Variants in TUSC3 observed in about 807,000 individuals in gnomAD.
TUSC3 encodes dolichyl-diphosphooligosaccharide--protein glycosyltransferase subunit TUSC3.
In TUSC3, 45 loss-of-function variants were observed where a neutral mutation model predicts 44.8. The observed-to-expected ratio is 1.00, with a 90% confidence interval of 0.79 to 1.29. The LOEUF (loss-of-function observed/expected upper bound fraction) is 1.29. Among genes scored for constraint, TUSC3 ranks in the 50% most tolerant of loss-of-function variants. The pLI, the probability that TUSC3 is intolerant of heterozygous loss-of-function variation, is 0.00. For synonymous variants in TUSC3, 212 were observed against 152.9 expected, an observed-to-expected ratio of 1.39 and a Z score of -2.85; for missense variants, 519 against 437.9, an observed-to-expected ratio of 1.19 and a Z score of -1.65.
chr8:15,506,569 A>G (rs762818724), intron 2 of TUSC3, among the ~76,000 whole-genome samples: 3 of 152,214 alleles, frequency 2.0e-5, no homozygotes, highest in Non-Finnish European at 2.9e-5. Context: ...GGGAGGCCTC[A>G]CAATCATGGC....
chr8:15,607,850 AT>A (rs1804600564), intron 1 of TUSC3, among the ~76,000 whole-genome samples: 2 of 152,164 alleles, frequency 1.3e-5, no homozygotes, highest in African/African-American at 4.8e-5. Flanking sequence ...GTACTTTTAC[AT>A]TTCCTCCCTA....
chr8:15,476,676 T>C (rs1018156756), intron 1 of TUSC3, among the ~76,000 whole-genome samples: 3 of 152,214 alleles, frequency 2.0e-5, no homozygotes, highest in African/African-American at 7.2e-5. Flanking sequence ...CAGAGATTTA[T>C]TGAAAACAAA....
intron 3 of TUSC3, among the ~76,000 whole-genome samples, chr8:15,655,977 T>C (rs1380885944): frequency 6.6e-6 from 1 of 152,124 alleles, no homozygotes; most frequent in Non-Finnish European, 1.5e-5. Context: ...TAGGAATCCC[T>C]TTGGAAGGGC....
chr8:15,759,555 G>C (rs1350756156), intron 10 of TUSC3, among the ~76,000 whole-genome samples: 1 of 151,972 alleles, frequency 6.6e-6, no homozygotes, highest in Admixed American at 6.6e-5. Context: ...AAGGGAAAAG[G>C]AACAAACAAG....
chr8:15,561,625 A>C lies in TUSC3; in HGVS notation c.138+21057A>C, dbSNP rs183347564. 4.4e-3 allele frequency: 686 copies of C among 154,430 alleles called. 9 individuals carry two copies. The highest frequency in any genetic ancestry group is 8.0e-3 in the Non-Finnish European group (560 of 70,148). 9.6% of individuals were successfully genotyped at this position (154,430 alleles called of 1,614,324 possible). On this transcript the variant is annotated intron_variant, in intron 1 of 10. Transcript: ENST00000503731. ...AGCCTCACTGCCGCCTTGCAGTTTG[A>C]TCTCAGACTGCAGTGCTAGCAATGA...
intron 10 of TUSC3, among the ~76,000 whole-genome samples, chr8:15,761,006 A>G (rs1204202616): frequency 6.6e-6 from 1 of 152,178 alleles, no homozygotes; most frequent in Non-Finnish European, 1.5e-5. Flanking sequence ...AGCTAAAAGA[A>G]ATGTAAGGGC....
the TUSC3 span, among the ~76,000 whole-genome samples, chr8:15,837,929 C>A: frequency 6.6e-6 from 1 of 152,168 alleles, no homozygotes; most frequent in Non-Finnish European, 1.5e-5. Context: ...CAAATCTTTA[C>A]CAGGAGTTTG....
the TUSC3 span, among the ~76,000 whole-genome samples, chr8:15,838,750 T>C: frequency 6.6e-6 from 1 of 151,896 alleles, no homozygotes; most frequent in African/African-American, 2.4e-5. Flanking sequence ...TGCTGTTTTG[T>C]TTACTGTAGC....
intron 2 of TUSC3, among the ~76,000 whole-genome samples, chr8:15,632,597 C>G (rs1279620981): frequency 1.3e-5 from 2 of 151,868 alleles, no homozygotes; most frequent in African/African-American, 2.4e-5. Context: ...AATTTTTTAC[C>G]CAGCACTTGT....
rs182788184 is a variant in TUSC3, at chr8:15,439,815, C to G, written n.91+22510C>G. ...TTATTCATTTCTGCCTTGCACTAGT[C>G]TGTCACCATACAAATCTGTCTACTC... On this transcript the variant is annotated intron_variant and non_coding_transcript_variant, in intron 1 of 5. Coordinates refer to the TUSC3 transcript ENST00000503191. Among the ~76,000 whole-genome samples the G allele has an allele frequency of 2.8e-3, 428 of 152,304 alleles. 2 individuals carry two copies. Among genetic ancestry groups the G allele is most frequent in the African/African-American group, 1.0e-2 (414 of 41,560 alleles).
intron 1 of TUSC3, among the ~76,000 whole-genome samples, chr8:15,468,580 T>A (rs551197321): frequency 6.6e-6 from 1 of 152,176 alleles, no homozygotes; most frequent in Non-Finnish European, 1.5e-5. Flanking sequence ...ACCCTTAAAT[T>A]TAGATCTGAT....
intron 1 of TUSC3, among the ~76,000 whole-genome samples, chr8:15,449,276 A>C (rs962879323): frequency 6.6e-6 from 1 of 152,222 alleles, no homozygotes; most frequent in African/African-American, 2.4e-5. Context: ...GAATGGGCAC[A>C]TGTGCAATTA....
rs924967315 is a variant in TUSC3 at position 15,643,990 on chromosome 8, A to T, written c.309-6707A>T. 5.3e-5 allele frequency among the ~76,000 whole-genome samples: 8 copies of T among 152,222 alleles called. 1 individual carries two copies. The highest frequency in any genetic ancestry group is 4.6e-4 in the Admixed American group (7 of 15,278). Reference sequence around the variant, plus strand: ...AGACATACAATGGTATTTTCATACGAATCTGCTATAAGAAGTTTGATTAAC... The same window carrying T: ...AGACATACAATGGTATTTTCATACGTATCTGCTATAAGAAGTTTGATTAAC... On this transcript the variant is annotated intron_variant, in intron 2 of 10. Transcript: ENST00000503731.
chr8:15,600,583 A>T (rs1035971216), intron 1 of TUSC3, among the ~76,000 whole-genome samples: 1 of 151,690 alleles, frequency 6.6e-6, no homozygotes. Context: ...TGGGTTACAG[A>T]TTAAAATAAA....
At chr8:15,829,409 A>T in the TUSC3 span, among the ~76,000 whole-genome samples, 3 of 152,160 alleles carry the variant, frequency 2.0e-5, no homozygotes, top group South Asian at 2.1e-4. Context: ...ACCCTTCCTT[A>T]CCTAAACATG....
intron 6 of TUSC3, among the ~76,000 whole-genome samples, chr8:15,684,654 GCA>G (rs1310561963): frequency 2.6e-5 from 4 of 152,168 alleles, no homozygotes; most frequent in Non-Finnish European, 1.5e-5. Flanking sequence ...TCTGATGTCA[GCA>G]CATGAGCCCA....
downstream of TUSC3, among the ~76,000 whole-genome samples, chr8:15,767,085 A>G (rs1812353164): frequency 6.6e-6 from 1 of 152,112 alleles, no homozygotes; most frequent in Non-Finnish European, 1.5e-5. Context: ...GTTTTCTCTA[A>G]TAGTAGGAAA....
At chr8:15,732,318 C>T (rs1200978041) in intron 7 of TUSC3, among the ~76,000 whole-genome samples, 1 of 152,082 alleles carries the variant, frequency 6.6e-6, no homozygotes, top group African/African-American at 2.4e-5. Flanking sequence ...ATGATGTTCT[C>T]ATGATAATGA....
At chr8:15,731,918 T>C (rs1388551296) in intron 7 of TUSC3, among the ~76,000 whole-genome samples, 1 of 152,172 alleles carries the variant, frequency 6.6e-6, no homozygotes, top group Non-Finnish European at 1.5e-5. Flanking sequence ...TGGTGGTATA[T>C]AGTGATTACG....
Sources: gnomAD v4.1 joint callset for allele counts (sites outside exome capture counted in the v4.1 genomes callset) on GRCh38, gnomAD v4.1.1 for gene constraint, MANE v1.5 for transcripts, NCBI Gene and HGNC (gene_info 2026-07-23, HGNC 2026-07-21) for gene names.